The following DAB1 variants were observed in gnomAD, a reference collection of about 807,000 sequenced individuals.
DAB1 encodes the protein disabled homolog 1.
In DAB1, 15 loss-of-function variants were observed where a neutral mutation model predicts 64.6. The observed-to-expected ratio is 0.23, with a 90% CI of 0.16 to 0.36. The LOEUF is 0.36. Among genes scored for constraint, DAB1 ranks in the 10% least tolerant of loss-of-function variants. The pLI is 1.00. For synonymous variants in DAB1, 235 were observed against 251.9 expected (o/e 0.93, Z 0.64); for missense variants, 596 against 706.7 (o/e 0.84, Z 1.78).
At chr1:58,331,122 A>G (rs917947223) in intron 4 of DAB1, among the ~76,000 whole-genome samples, 1 of 152,202 alleles carries the variant, frequency 6.6e-6, no homozygotes, top group African/African-American at 2.4e-5. Flanking sequence ...AGGTCAAACT[A>G]TCAACTTTAA....
At chr1:58,048,994 G>C in intron 5 of DAB1, 1 of 808,642 alleles carries the variant, frequency 1.2e-6, no homozygotes, top group Non-Finnish European at 2.2e-6. Flanking sequence ...CAGTTAAGTG[G>C]GCACCTGGTC....
intron 4 of DAB1, among the ~76,000 whole-genome samples, chr1:57,125,393 A>G (rs1398578563): frequency 2.0e-5 from 3 of 152,194 alleles, no homozygotes; most frequent in Admixed American, 1.3e-4. Flanking sequence ...TGCTCCATAC[A>G]TAGTACCTAC....
rs917286144 is a variant in DAB1, at chr1:58,162,363, C to T, written n.310-11775G>A. ...TCTTTTTTTTCTCTATTCTTTTTTT[C>T]CTTCTGTTACTCATTTCCTCCCCAC... On this transcript the variant is annotated intron_variant and non_coding_transcript_variant, in intron 4 of 20. Coordinates refer to the DAB1 transcript ENST00000485760. Among the ~76,000 whole-genome samples the T allele has an allele frequency of 6.6e-5, 10 of 151,854 alleles. No individual in the cohort carries two copies. In the South Asian group the frequency reaches 1.0e-3, roughly 16 times the overall value.
chr1:58,124,070 A>G (rs1406822722), intron 5 of DAB1, among the ~76,000 whole-genome samples: 1 of 152,156 alleles, frequency 6.6e-6, no homozygotes, highest in East Asian at 1.9e-4. Flanking sequence ...GTGAATGTAC[A>G]TATGTATATA....
intron 2 of DAB1, among the ~76,000 whole-genome samples, chr1:57,160,536 A>G (rs1469064463): frequency 5.3e-5 from 8 of 152,194 alleles, no homozygotes; most frequent in Non-Finnish European, 2.9e-5. Flanking sequence ...CATGATATTT[A>G]TTTGTGCTTC....
intron 3 of DAB1, among the ~76,000 whole-genome samples, chr1:58,387,755 C>T (rs1443746828): frequency 3.8e-5 from 5 of 132,548 alleles, no homozygotes; most frequent in Admixed American, 1.7e-4. Flanking sequence ...GACAGAGTCT[C>T]GCTCTGTGTT....
chr1:57,059,198 C>T (rs1032130531), intron 9 of DAB1, among the ~76,000 whole-genome samples: 2 of 152,128 alleles, frequency 1.3e-5, no homozygotes, highest in Non-Finnish European at 2.9e-5. Context: ...TCCTTCAATC[C>T]TCCAAACAAA....
At chr1:57,875,655 A>T (rs1038487054) in intron 1 of DAB1, among the ~76,000 whole-genome samples, 2 of 152,228 alleles carry the variant, frequency 1.3e-5, no homozygotes, top group African/African-American at 4.8e-5. Flanking sequence ...AGAATTAAGC[A>T]CATAGCAGGT....
intron 1 of DAB1, among the ~76,000 whole-genome samples, chr1:57,850,456 T>G (rs1011193025): frequency 2.3e-5 from 3 of 131,252 alleles, no homozygotes; most frequent in African/African-American, 5.0e-5. Flanking sequence ...AATGTAGTTT[T>G]TTTTTTTTTT....
chr1:58,382,926 A>G (rs990477599), intron 3 of DAB1, among the ~76,000 whole-genome samples: 1 of 152,160 alleles, frequency 6.6e-6, no homozygotes, highest in African/African-American at 2.4e-5. Flanking sequence ...CCAGCATTCA[A>G]TTCTTCATCT....
chr1:58,033,866 C>G (rs1372047321), intron 5 of DAB1, among the ~76,000 whole-genome samples: 1 of 152,066 alleles, frequency 6.6e-6, no homozygotes, highest in Non-Finnish European at 1.5e-5. Flanking sequence ...TACACTAGGA[C>G]ACATAGCCAC....
At chr1:58,398,253 G>T (rs562882464) in intron 3 of DAB1, among the ~76,000 whole-genome samples, 16 of 152,214 alleles carry the variant, frequency 1.1e-4, no homozygotes, top group Admixed American at 4.6e-4. Flanking sequence ...ACTCCTCATT[G>T]CTCCTCAAAA....
chr1:57,884,162 G>A (rs1259853761), upstream of DAB1: 4 of 152,338 alleles, frequency 2.6e-5, no homozygotes, highest in Admixed American at 6.6e-5. Flanking sequence ...CAAGGAAATA[G>A]CTGCAATGAA....
At chr1:58,260,797 T>A (rs1661030847) in intron 4 of DAB1, among the ~76,000 whole-genome samples, 1 of 152,240 alleles carries the variant, frequency 6.6e-6, no homozygotes, top group African/African-American at 2.4e-5. Context: ...TCTTTAAGAT[T>A]TCCGTGGGAC....
At chr1:57,325,166 C>A (rs1332067857) in intron 1 of DAB1, among the ~76,000 whole-genome samples, 2 of 152,218 alleles carry the variant, frequency 1.3e-5, no homozygotes, top group Non-Finnish European at 2.9e-5. Flanking sequence ...TCCTTTCAGG[C>A]CAGCCTGGAG....
chr1:58,069,461 T>G (rs565161038), intron 5 of DAB1, among the ~76,000 whole-genome samples: 5 of 152,214 alleles, frequency 3.3e-5, no homozygotes, highest in Non-Finnish European at 7.3e-5. Context: ...CCTTTGTACT[T>G]TACGGCGTAC....
intron 3 of DAB1, among the ~76,000 whole-genome samples, chr1:58,430,041 C>T (rs1644855768): frequency 1.3e-5 from 2 of 152,172 alleles, no homozygotes; most frequent in Admixed American, 1.3e-4. Context: ...TATAAGGGCA[C>T]TAATCCCATT....
chr1:58,260,762 T>C (rs1464966304), intron 4 of DAB1, among the ~76,000 whole-genome samples: 1 of 152,204 alleles, frequency 6.6e-6, no homozygotes, highest in East Asian at 1.9e-4. Flanking sequence ...CGCTCATCTT[T>C]CAAAAATTAG....
At position 57,011,802 on chromosome 1, in the gene DAB1, T is replaced by C. The variant is rs533497749; in HGVS notation, c.1445-530A>G. On this transcript the variant is annotated intron_variant, in intron 12 of 14. Coordinates refer to ENST00000371236, the MANE Select transcript of DAB1 (RefSeq NM_001365792.1). ...AACATCTTTGAGGTAGAGGTTATCC[T>C]AATTTGACAGGTAAGGAAAGTGAAG... Among the ~76,000 whole-genome samples the C allele has an allele frequency of 4.6e-5, 7 of 152,342 alleles. No homozygotes were observed. The East Asian group carries it at 1.3e-3, about 29-fold the overall frequency.
Sources: gnomAD v4.1 joint callset for allele counts (sites outside exome capture counted in the v4.1 genomes callset) on GRCh38, gnomAD v4.1.1 for gene constraint, MANE v1.5 for transcripts, NCBI Gene and HGNC (gene_info 2026-07-23, HGNC 2026-07-21) for gene names.